The following ETV7 variants were observed in gnomAD, a reference collection of about 807,000 sequenced individuals.
ETV7 encodes ETS variant transcription factor 7.
ETV7 carries 43 observed loss-of-function variants against 39.1 expected under a neutral mutation model. The observed-to-expected ratio is 1.10, with a 90% CI of 0.86 to 1.42. ETV7 has a LOEUF of 1.42. ETV7 is among the 40% of genes most tolerant of loss of function. The pLI is 0.00. For missense variants in ETV7, 432 were observed against 442.3 expected (o/e 0.98, Z 0.21); for synonymous variants, 196 against 176.6 (o/e 1.11, Z -0.87).
intron 2 of ETV7, among the ~76,000 whole-genome samples, chr6:36,381,646 C>A (rs1773660547): frequency 6.6e-6 from 1 of 152,172 alleles, no homozygotes; most frequent in African/African-American, 2.4e-5. Context: ...AAATCTGTCA[C>A]CCCATTGCTT....
At chr6:36,363,352 C>G (rs1364591378), downstream of ETV7, among the ~76,000 whole-genome samples, 2 of 151,688 alleles carry the variant, frequency 1.3e-5, no homozygotes, top group African/African-American at 4.8e-5. Flanking sequence ...GCCCTTAAGG[C>G]ACCGCGTCTG....
At chr6:36,378,511 C>T (rs1773489397) in intron 2 of ETV7, among the ~76,000 whole-genome samples, 1 of 152,144 alleles carries the variant, frequency 6.6e-6, no homozygotes, top group Non-Finnish European at 1.5e-5. Context: ...GCAAAAGATA[C>T]CATAAACAAA....
downstream of ETV7, among the ~76,000 whole-genome samples, chr6:36,365,488 G>A (rs577689019): frequency 7.2e-4 from 109 of 152,316 alleles, no homozygotes; most frequent in African/African-American, 2.6e-3. Flanking sequence ...AGAAACCTGA[G>A]GCCCCAGAGA....
intron 2 of ETV7, among the ~76,000 whole-genome samples, chr6:36,379,559 AAAAG>A (rs1436670707): frequency 7.3e-4 from 92 of 125,948 alleles, no homozygotes; most frequent in Admixed American, 1.3e-3. Flanking sequence ...TAAAAAAAAA[AAAAG>A]AAGAAGAAGA....
At chr6:36,384,638 C>G (rs1474596726) in intron 2 of ETV7, among the ~76,000 whole-genome samples, 2 of 152,100 alleles carry the variant, frequency 1.3e-5, no homozygotes, top group Non-Finnish European at 2.9e-5. Flanking sequence ...ACCTGTCATC[C>G]CAGCATTTTG....
At chr6:36,376,252 T>C (rs544153944) in intron 2 of ETV7, among the ~76,000 whole-genome samples, 9 of 129,788 alleles carry the variant, frequency 6.9e-5, no homozygotes, top group African/African-American at 4.2e-4. Context: ...TGTCATTATG[T>C]ATGTAGCATG....
At chr6:36,360,688 T>C (rs1046407611) in intron 7 of ETV7, among the ~76,000 whole-genome samples, 5 of 152,150 alleles carry the variant, frequency 3.3e-5, no homozygotes, top group Admixed American at 6.5e-5. Context: ...CTAGTGGACA[T>C]GGTTTTAAAC....
downstream of ETV7, among the ~76,000 whole-genome samples, chr6:36,362,813 T>C (rs772664237): frequency 6.6e-6 from 1 of 152,198 alleles, no homozygotes; most frequent in Non-Finnish European, 1.5e-5. Context: ...CTGGGTGAGA[T>C]TCATTGCCTG....
intron 2 of ETV7, among the ~76,000 whole-genome samples, chr6:36,377,958 A>G (rs973330460): frequency 2.0e-5 from 3 of 152,222 alleles, no homozygotes; most frequent in African/African-American, 2.4e-5. Flanking sequence ...AGAAAAGAGT[A>G]CATGTCTGAA....
chr6:36,354,373 T>G lies in ETV7; in HGVS notation c.*269A>C, dbSNP rs55950935. The G allele has an allele frequency of 2.4e-3, 659 of 270,176 alleles. 3 individuals carry two copies. Among genetic ancestry groups the G allele is most frequent in the African/African-American group, 0.014 (616 of 45,296 alleles). The allele number at this position is 270,176 out of a possible 1,614,324, so 16.7% of individuals were successfully genotyped here. On this transcript the variant is annotated 3_prime_UTR_variant, in exon 8 of 8. Coordinates refer to the ETV7 transcript ENST00000339796. ...TTACTCCTATGTTTTATTCTAGGAG[T>G]TTTACAGTTTTAGCTCTTACGTTTA...
At chr6:36,363,018 C>T (rs538954086), downstream of ETV7, among the ~76,000 whole-genome samples, 3 of 152,238 alleles carry the variant, frequency 2.0e-5, no homozygotes, top group South Asian at 6.2e-4. Flanking sequence ...TGTGATCTTG[C>T]GCAAGTCACT....
Position 36,372,386 on chromosome 6 carries a change from C to T in ETV7, c.434-826G>A, listed in dbSNP as rs192087690. 6.4e-3 allele frequency among the ~76,000 whole-genome samples: 972 copies of T among 152,058 alleles called. 10 individuals carry two copies. Among genetic ancestry groups the T allele is most frequent in the African/African-American group, 0.022 (898 of 41,450 alleles). Reference sequence around the variant, plus strand: ...CAGCGGAAGAACTGCACTTGGACTCCGAGTGAGAAGGGAGCTGCTGGAAGA... The same window carrying T: ...CAGCGGAAGAACTGCACTTGGACTCTGAGTGAGAAGGGAGCTGCTGGAAGA... On this transcript the variant is annotated intron_variant, in intron 4 of 7. Coordinates refer to ENST00000340181, the MANE Select transcript of ETV7 (RefSeq NM_016135.4).
chr6:36,373,782 AATTTT>A (rs1773164654), intron 3 of ETV7, among the ~76,000 whole-genome samples: 1 of 152,218 alleles, frequency 6.6e-6, no homozygotes, highest in African/African-American at 2.4e-5. Context: ...GTGGTGGATG[AATTTT>A]AGAAAGACAT....
chr6:36,367,045 T>C lies in ETV7; in HGVS notation c.808-70A>G, dbSNP rs2269562. 5,266 of 1,175,906 alleles carry C rather than the reference T, an allele frequency of 4.5e-3. 60 individuals carry two copies. The highest frequency in any genetic ancestry group is 0.025 in the South Asian group (2,009 of 81,384). 72.8% of individuals were successfully genotyped at this position (1,175,906 alleles called of 1,614,324 possible). On this transcript the variant is annotated intron_variant, in intron 6 of 7. Transcript: ENST00000340181. The stretch of plus-strand genomic sequence containing the variant: ...TGCTCCTTCCACACCTGGAAGGGAG[T>C]AGGGTGGACTGGACAGCTTCTTAAG...
At chr6:36,364,705 C>T (rs891494665), downstream of ETV7, among the ~76,000 whole-genome samples, 1 of 152,164 alleles carries the variant, frequency 6.6e-6, no homozygotes, top group African/African-American at 2.4e-5. Context: ...ATGAAGGGCT[C>T]CTCAAGTGCC....
At chr6:36,376,645 A>ATG (rs1773374059) in intron 2 of ETV7, among the ~76,000 whole-genome samples, 1 of 151,942 alleles carries the variant, frequency 6.6e-6, no homozygotes, top group African/African-American at 2.4e-5. Flanking sequence ...GCATGGTGGC[A>ATG]TGCACCTGTA....
At chr6:36,369,466 C>A (rs534684591) in intron 5 of ETV7, among the ~76,000 whole-genome samples, 11 of 152,336 alleles carry the variant, frequency 7.2e-5, no homozygotes, top group Admixed American at 7.2e-4. Flanking sequence ...CCTCTCTGCC[C>A]CTGGCCCACT....
chr6:36,362,815 C>T (rs1446921811), downstream of ETV7, among the ~76,000 whole-genome samples: 1 of 152,222 alleles, frequency 6.6e-6, no homozygotes, highest in Non-Finnish European at 1.5e-5. Context: ...GGGTGAGATT[C>T]ATTGCCTGAG....
chr6:36,379,093 G>A (rs912780695), intron 2 of ETV7, among the ~76,000 whole-genome samples: 6 of 152,244 alleles, frequency 3.9e-5, no homozygotes, highest in African/African-American at 1.4e-4. Flanking sequence ...GCCACACGAT[G>A]GGCAGATTCC....
Sources: gnomAD v4.1 joint callset for allele counts (sites outside exome capture counted in the v4.1 genomes callset) on GRCh38, gnomAD v4.1.1 for gene constraint, MANE v1.5 for transcripts, NCBI Gene and HGNC (gene_info 2026-07-23, HGNC 2026-07-21) for gene names.